SLC35F4: variants seen among roughly 807,000 people sequenced by gnomAD.
SLC35F4 encodes the protein chromosome 14 open reading frame 36.
Under a neutral mutation model 44.2 loss-of-function variants are expected in SLC35F4, and 24 were observed. The ratio of observed to expected loss-of-function variants is 0.54; its 90% CI spans 0.39 to 0.76. The LOEUF (loss-of-function observed/expected upper bound fraction) is 0.76. SLC35F4 is among the 30% of genes least tolerant of loss of function. SLC35F4 has a pLI of 0.00. For synonymous variants in SLC35F4, 238 were observed against 223.6 expected (o/e 1.06, Z -0.57); for missense variants, 562 against 586.1 (o/e 0.96, Z 0.42).
chr14:57,664,741 C>T (rs992957910), intron 1 of SLC35F4, among the ~76,000 whole-genome samples: 8 of 152,162 alleles, frequency 5.3e-5, no homozygotes, highest in Admixed American at 1.3e-4. Flanking sequence ...TTACACAGGA[C>T]GCAATGAACA....
chr14:57,948,026 G>A (rs541357951), intron 1 of SLC35F4, among the ~76,000 whole-genome samples: 19 of 152,168 alleles, frequency 1.2e-4, no homozygotes, highest in African/African-American at 4.1e-4. Context: ...GCATTAGGGC[G>A]ATACTGGCTT....
chr14:57,754,668 G>A (rs1397603560), intron 1 of SLC35F4, among the ~76,000 whole-genome samples: 2 of 152,170 alleles, frequency 1.3e-5, no homozygotes, highest in African/African-American at 2.4e-5. Context: ...CTTGTATCAG[G>A]GCTCATGAAT....
chr14:57,825,638 C>A (rs766871706), intron 1 of SLC35F4, among the ~76,000 whole-genome samples: 1 of 152,154 alleles, frequency 6.6e-6, no homozygotes, highest in Non-Finnish European at 1.5e-5. Context: ...AGCCCAAAAG[C>A]TTCTTAAGCT....
At position 57,891,709 on chromosome 14, in the gene SLC35F4, G is replaced by A. The variant is rs1280688458; in HGVS notation, n.282+90204C>T. ...TGGCCAATATGATGAAACCCCATCT[G>A]TACTAAAAATACAAAAATTAGTTGG... is the stretch of plus-strand genomic sequence containing the variant. On this transcript the variant is annotated intron_variant and non_coding_transcript_variant, in intron 1 of 1. Transcript: ENST00000556568. Among the ~76,000 whole-genome samples, 3 of 151,900 alleles carry A rather than the reference G, an allele frequency of 2.0e-5. No homozygotes were observed. The South Asian group carries it at 6.2e-4, about 32-fold the overall frequency.
At chr14:57,924,896 C>G (rs1463185995) in intron 1 of SLC35F4, among the ~76,000 whole-genome samples, 4 of 151,916 alleles carry the variant, frequency 2.6e-5, no homozygotes, top group Non-Finnish European at 5.9e-5. Context: ...AGTTATGTGC[C>G]ACAATGCCTG....
chr14:57,616,549 T>C (rs2071842511), intron 1 of SLC35F4, among the ~76,000 whole-genome samples: 1 of 152,182 alleles, frequency 6.6e-6, no homozygotes, highest in Middle Eastern at 3.2e-3. Context: ...AAATATCTCC[T>C]GAAGACCAGC....
chr14:57,922,811 G>A, intron 1 of SLC35F4, among the ~76,000 whole-genome samples: 1 of 152,178 alleles, frequency 6.6e-6, no homozygotes, highest in Non-Finnish European at 1.5e-5. Context: ...GTGGCATTAG[G>A]CTAGATGAGC....
chr14:57,754,098 CTT>C (rs1200175550), intron 1 of SLC35F4, among the ~76,000 whole-genome samples: 84 of 110,428 alleles, frequency 7.6e-4, no homozygotes, highest in African/African-American at 3.0e-3. Context: ...TAACCCAATG[CTT>C]TTTTTTTTTT....
At chr14:57,591,688 T>C (rs1248426160) in intron 2 of SLC35F4, among the ~76,000 whole-genome samples, 1 of 152,192 alleles carries the variant, frequency 6.6e-6, no homozygotes, top group Non-Finnish European at 1.5e-5. Context: ...TAGCTTTCCA[T>C]TCAGGCACTG....
At chr14:57,732,117 T>C (rs2076358338) in intron 1 of SLC35F4, among the ~76,000 whole-genome samples, 2 of 152,226 alleles carry the variant, frequency 1.3e-5, no homozygotes, top group South Asian at 4.1e-4. Context: ...GTTTTCTCTA[T>C]ATTTACTTTA....
At chr14:57,568,895 G>A (rs1285957634) in intron 6 of SLC35F4, among the ~76,000 whole-genome samples, 2 of 152,110 alleles carry the variant, frequency 1.3e-5, no homozygotes, top group South Asian at 2.1e-4. Context: ...AGAGGGATGA[G>A]GGATGAGCAA....
At chr14:57,587,555 G>A (rs1305142854) in intron 3 of SLC35F4, among the ~76,000 whole-genome samples, 3 of 152,212 alleles carry the variant, frequency 2.0e-5, no homozygotes, top group Non-Finnish European at 4.4e-5. Context: ...TCACTCATTA[G>A]TGGGAGTTGA....
At chr14:57,767,475 A>G (rs1261083114) in intron 1 of SLC35F4, among the ~76,000 whole-genome samples, 1 of 152,184 alleles carries the variant, frequency 6.6e-6, no homozygotes, top group Admixed American at 6.5e-5. Context: ...GTCTCGAAGA[A>G]ACTTTTAAAG....
intron 1 of SLC35F4, among the ~76,000 whole-genome samples, chr14:57,641,824 C>G (rs1044985140): frequency 1.3e-5 from 2 of 151,968 alleles, no homozygotes; most frequent in Non-Finnish European, 2.9e-5. Context: ...AGATAAGCAA[C>G]ACTCACCTGT....
At chr14:57,787,844 A>G (rs1340029903) in intron 1 of SLC35F4, among the ~76,000 whole-genome samples, 1 of 152,194 alleles carries the variant, frequency 6.6e-6, no homozygotes, top group African/African-American at 2.4e-5. Flanking sequence ...AAACAAAAAT[A>G]CAAGTTAAAA....
At chr14:57,745,829 C>G (rs1275908132) in intron 1 of SLC35F4, among the ~76,000 whole-genome samples, 6 of 152,152 alleles carry the variant, frequency 3.9e-5, no homozygotes, top group East Asian at 1.9e-4. Context: ...GACTTGGAAC[C>G]AACCCAAATG....
chr14:57,818,039 C>T (rs996864866), intron 1 of SLC35F4, among the ~76,000 whole-genome samples: 1 of 152,092 alleles, frequency 6.6e-6, no homozygotes, highest in Non-Finnish European at 1.5e-5. Flanking sequence ...TGACAGTAGG[C>T]AATACTGCTG....
chr14:57,809,896 T>G (rs1295650964), intron 1 of SLC35F4, among the ~76,000 whole-genome samples: 1 of 152,214 alleles, frequency 6.6e-6, no homozygotes, highest in African/African-American at 2.4e-5. Context: ...TCACTATAAC[T>G]GGCACATTGA....
At chr14:57,681,675 T>A (rs940660300) in intron 1 of SLC35F4, among the ~76,000 whole-genome samples, 1 of 151,546 alleles carries the variant, frequency 6.6e-6, no homozygotes, top group Non-Finnish European at 1.5e-5. Flanking sequence ...AACTAAAGAG[T>A]TTCTGTAGGA....
Sources: allele counts gnomAD v4.1 joint callset (sites outside exome capture counted in the v4.1 genomes callset), GRCh38; gene constraint gnomAD v4.1.1; transcripts MANE v1.5; gene names NCBI Gene and HGNC (gene_info 2026-07-23, HGNC 2026-07-21).